TEK: variants seen among roughly 807,000 people sequenced by gnomAD.
TEK encodes TEK receptor tyrosine kinase, also known as angiopoietin-1 receptor.
Under a neutral mutation model 131.8 loss-of-function variants are expected in TEK, and 43 were observed. The observed-to-expected ratio is 0.33, with a 90% CI of 0.26 to 0.42. The LOEUF is 0.42. Ranked by LOEUF, TEK falls within the 10% of genes least tolerant of loss-of-function variation. The pLI is 1.00. For missense variants in TEK, 1,162 were observed against 1,384.4 expected, an observed-to-expected ratio of 0.84 and a Z score of 2.55; for synonymous variants, 580 against 491.6, an observed-to-expected ratio of 1.18 and a Z score of -2.38.
chr9:27,184,768 T>C lies in TEK; in HGVS notation c.1183-717T>C, dbSNP rs7860731. Among the ~76,000 whole-genome samples, 975 of 152,188 alleles carry C rather than the reference T, an allele frequency of 6.4e-3. 10 individuals carry two copies. The highest frequency in any genetic ancestry group is 0.022 in the African/African-American group (932 of 41,516). ...AAAATGGCAAAGAGGCCAGATACGG[T>C]GACTCATGCCTGCAATCCCAGTGCT... On this transcript the variant is annotated intron_variant, in intron 8 of 22. Transcript: ENST00000380036.
At chr9:27,154,184 C>T (rs602112) in intron 1 of TEK, among the ~76,000 whole-genome samples, 21,713 of 151,930 alleles carry the variant, frequency 0.14, 2,113 homozygotes, top group South Asian at 0.29. Flanking sequence ...ATTTTTATTA[C>T]ACTTTAAGTT....
At chr9:27,140,992 T>C (rs1223225445) in intron 1 of TEK, among the ~76,000 whole-genome samples, 1 of 152,092 alleles carries the variant, frequency 6.6e-6, no homozygotes, top group Non-Finnish European at 1.5e-5. Context: ...TTTAATTTAT[T>C]CGTTAAGTTC....
intron 1 of TEK, among the ~76,000 whole-genome samples, chr9:27,142,624 G>A (rs1199427706): frequency 2.0e-5 from 3 of 152,226 alleles, no homozygotes; most frequent in Non-Finnish European, 4.4e-5. Flanking sequence ...GGTCCAGAGA[G>A]TACTCGTGTT....
intron 12 of TEK, among the ~76,000 whole-genome samples, chr9:27,198,853 C>A (rs1825117097): frequency 6.6e-6 from 1 of 152,188 alleles, no homozygotes; most frequent in Non-Finnish European, 1.5e-5. Context: ...GGCTGGTGAG[C>A]AGTGGTGCCA....
At chr9:27,217,497 G>A (rs1409784355) in intron 18 of TEK, among the ~76,000 whole-genome samples, 191 bp from the exon 19 acceptor site, 3 of 125,802 alleles carry the variant, frequency 2.4e-5, no homozygotes, top group Non-Finnish European at 3.3e-5. Flanking sequence ...GCTGGACCCC[G>A]AAAGATAAAT....
chr9:27,227,100 A>G (rs1436805230), intron 21 of TEK, among the ~76,000 whole-genome samples: 2 of 152,208 alleles, frequency 1.3e-5, no homozygotes, highest in Admixed American at 6.5e-5. Context: ...AACTTATGTT[A>G]AAGTGTAAGC....
chr9:27,172,507 T>C (rs918978122), intron 4 of TEK, 109 bp from the exon 5 acceptor site: 264 of 1,469,976 alleles, frequency 1.8e-4, no homozygotes, highest in Non-Finnish European at 2.3e-4. Flanking sequence ...CTGTATTTTA[T>C]CTTTATTCAC....
intron 13 of TEK, among the ~76,000 whole-genome samples, chr9:27,203,690 G>A (rs1825302321): frequency 6.6e-6 from 1 of 152,166 alleles, no homozygotes; most frequent in South Asian, 2.1e-4. Flanking sequence ...GTGAACAAGG[G>A]TCCCATGTGG....
intron 20 of TEK, 53 bp downstream of exon 20, chr9:27,218,870 G>A (rs934555707): frequency 6.5e-7 from 1 of 1,547,998 alleles, no homozygotes. Flanking sequence ...GTGAGTGGAA[G>A]CCTCTAGCAC....
At chr9:27,226,801 C>G (rs7024489) in intron 21 of TEK, among the ~76,000 whole-genome samples, 72,284 of 152,016 alleles carry the variant, frequency 0.48, 17,380 homozygotes, top group Admixed American at 0.57. Context: ...AGATTTATTC[C>G]AAGGGTAAGA....
At chr9:27,151,484 G>T (rs1170002959) in intron 1 of TEK, among the ~76,000 whole-genome samples, 1 of 152,122 alleles carries the variant, frequency 6.6e-6, no homozygotes, top group Non-Finnish European at 1.5e-5. Context: ...TTTTGGGGAA[G>T]ATTTTTCTGA....
intron 1 of TEK, among the ~76,000 whole-genome samples, chr9:27,155,143 G>C (rs936953915): frequency 6.6e-6 from 1 of 152,180 alleles, no homozygotes; most frequent in East Asian, 1.9e-4. Context: ...TCTGGAACAT[G>C]CCTGGAATGT....
intron 2 of TEK, among the ~76,000 whole-genome samples, chr9:27,161,621 C>T (rs949017554): frequency 1.3e-5 from 2 of 152,184 alleles, no homozygotes; most frequent in African/African-American, 2.4e-5. Flanking sequence ...TAGCAACTCT[C>T]CCTGATTCTG....
intron 1 of TEK, among the ~76,000 whole-genome samples, chr9:27,137,350 G>A (rs1439290315): frequency 2.0e-5 from 3 of 152,158 alleles, no homozygotes; most frequent in South Asian, 2.1e-4. Context: ...TTAATAAGTC[G>A]CTGAAATAAT....
intron 15 of TEK, among the ~76,000 whole-genome samples, 167 bp from the exon 16 acceptor site, chr9:27,208,954 G>C (rs545576461): frequency 1.3e-5 from 2 of 152,352 alleles, no homozygotes; most frequent in Non-Finnish European, 1.5e-5. Context: ...TATCAGCCCA[G>C]TGTCAATAGT....
intron 1 of TEK, among the ~76,000 whole-genome samples, chr9:27,148,715 A>G (rs1823023251): frequency 6.6e-6 from 1 of 152,188 alleles, no homozygotes; most frequent in Non-Finnish European, 1.5e-5. Context: ...TATTGTGACC[A>G]CTTTTTCATG....
At chr9:27,139,852 A>G (rs754677286) in intron 1 of TEK, among the ~76,000 whole-genome samples, 6 of 152,114 alleles carry the variant, frequency 3.9e-5, no homozygotes, top group Non-Finnish European at 8.8e-5. Flanking sequence ...CCACAGTTGT[A>G]TACTAGTTTG....
At chr9:27,186,854 A>G (rs1490435233) in intron 9 of TEK, among the ~76,000 whole-genome samples, 1 of 152,214 alleles carries the variant, frequency 6.6e-6, no homozygotes, top group African/African-American at 2.4e-5. Flanking sequence ...CAATAACAAC[A>G]GTAGCGTAAA....
At chr9:27,130,192 A>G (rs1273322452) in intron 1 of TEK, among the ~76,000 whole-genome samples, 1 of 152,228 alleles carries the variant, frequency 6.6e-6, no homozygotes, top group Admixed American at 6.5e-5. Context: ...TTACAGTTCC[A>G]GGAATTTGGA....
Sources: allele counts gnomAD v4.1 joint callset (sites outside exome capture counted in the v4.1 genomes callset), GRCh38; gene constraint gnomAD v4.1.1; transcripts MANE v1.5; gene names NCBI Gene and HGNC (gene_info 2026-07-23, HGNC 2026-07-21).